Variants in SIL1 observed in about 807,000 individuals in gnomAD.
SIL1 encodes nucleotide exchange factor SIL1.
Under a neutral mutation model 49.1 loss-of-function variants are expected in SIL1, and 40 were observed. That is an observed-to-expected ratio of 0.81 (90% CI 0.63 to 1.06). The LOEUF (loss-of-function observed/expected upper bound fraction) is 1.06. Among genes scored for constraint, SIL1 ranks in the 50% least tolerant of loss-of-function variants. SIL1 has a pLI of 0.00. For missense variants in SIL1, 500 were observed against 572.6 expected, an observed-to-expected ratio of 0.87 and a Z score of 1.29; for synonymous variants, 253 against 250.8, an observed-to-expected ratio of 1.01 and a Z score of -0.08.
chr5:139,143,516 A>T (rs1172858260), intron 1 of SIL1, among the ~76,000 whole-genome samples: 2 of 151,848 alleles, frequency 1.3e-5, no homozygotes, highest in African/African-American at 4.8e-5. Context: ...GATTACAGGC[A>T]TGTACCACCA....
At chr5:139,167,183 G>A (rs2151813232) in intron 1 of SIL1, among the ~76,000 whole-genome samples, 1 of 150,812 alleles carries the variant, frequency 6.6e-6, no homozygotes, top group Admixed American at 6.6e-5. Flanking sequence ...CTGAACTCCT[G>A]GGCTCAAGTA....
At chr5:139,157,934 TC>T (rs1751435626) in intron 1 of SIL1, among the ~76,000 whole-genome samples, 1 of 152,242 alleles carries the variant, frequency 6.6e-6, no homozygotes, top group Non-Finnish European at 1.5e-5. Context: ...CCCCATGTCT[TC>T]CTTCAATCCT....
chr5:139,168,332 A>G (rs1355982991), intron 1 of SIL1, among the ~76,000 whole-genome samples: 5 of 152,240 alleles, frequency 3.3e-5, no homozygotes, highest in Non-Finnish European at 1.5e-5. Context: ...CTTGATGGCA[A>G]ATTGCAGTTA....
At chr5:138,960,891 T>C (rs1033708771) in intron 7 of SIL1, among the ~76,000 whole-genome samples, 8 of 152,336 alleles carry the variant, frequency 5.3e-5, no homozygotes, top group African/African-American at 1.9e-4. Context: ...GCAAATCTTA[T>C]GAAAAAGAAA....
chr5:139,017,451 AACTGTGG>A (rs1264144626), intron 7 of SIL1, among the ~76,000 whole-genome samples: 3 of 152,088 alleles, frequency 2.0e-5, no homozygotes, highest in Non-Finnish European at 4.4e-5. Context: ...ACATCCTGCA[AACTGTGG>A]AAAGTTCAAA....
chr5:139,023,501 T>A (rs1768575474), intron 6 of SIL1, among the ~76,000 whole-genome samples: 1 of 152,250 alleles, frequency 6.6e-6, no homozygotes, highest in Non-Finnish European at 1.5e-5. Flanking sequence ...AAGGCAAATG[T>A]ACTGCCCGAG....
chr5:138,951,413 G>A, intron 8 of SIL1, 78 bp from the exon 9 acceptor site: 20 of 1,468,622 alleles, frequency 1.4e-5, no homozygotes, highest in Non-Finnish European at 1.9e-5. Context: ...GGCAGGCAGA[G>A]GTGCCCCAAA....
chr5:139,004,381 A>G (rs954180174), intron 7 of SIL1, among the ~76,000 whole-genome samples: 1 of 152,206 alleles, frequency 6.6e-6, no homozygotes, highest in East Asian at 1.9e-4. Context: ...CATGGGATTC[A>G]GTGGATTTCC....
intron 1 of SIL1, among the ~76,000 whole-genome samples, chr5:139,172,855 A>C (rs76872506): frequency 6.6e-6 from 1 of 151,940 alleles, no homozygotes; most frequent in African/African-American, 2.4e-5. Context: ...TGCTGAGGGG[A>C]GTTTTTCTCT....
chr5:139,056,427 C>T (rs1407761283), intron 3 of SIL1, among the ~76,000 whole-genome samples: 92 of 151,724 alleles, frequency 6.1e-4, no homozygotes, highest in African/African-American at 2.1e-3. Context: ...AGGAGCCCCT[C>T]CGCCCGGCAG....
At chr5:138,961,952 CTTTT>C (rs10593901) in intron 7 of SIL1, among the ~76,000 whole-genome samples, 524 of 119,732 alleles carry the variant, frequency 4.4e-3, no homozygotes, top group Middle Eastern at 0.01. Flanking sequence ...GTTCTCTAGA[CTTTT>C]TTTTTTTTTT....
intron 3 of SIL1, among the ~76,000 whole-genome samples, chr5:139,120,429 C>T (rs933840897): frequency 6.6e-6 from 1 of 152,114 alleles, no homozygotes; most frequent in Non-Finnish European, 1.5e-5. Context: ...TGTGAAAATT[C>T]AACAAGATTA....
chr5:139,050,034 G>T (rs1008722178), intron 4 of SIL1, among the ~76,000 whole-genome samples: 1 of 152,202 alleles, frequency 6.6e-6, no homozygotes, highest in East Asian at 1.9e-4. Context: ...AATGAGCATG[G>T]CTGTGTCCCA....
rs541701686 is a variant in SIL1 at position 139,188,336 on chromosome 5, G to A, written c.-11+9933C>T. Among the ~76,000 whole-genome samples the A allele has an allele frequency of 4.6e-5, 7 of 152,220 alleles. No individual in the cohort carries two copies. In the East Asian group the frequency reaches 5.8e-4, roughly 13 times the overall value. ...GGTAAAAAAGATACTGCAGAGGCTC[G>A]CTAAAAAGAAAAAGACAATGGCATT... On this transcript the variant is annotated intron_variant, in intron 1 of 9. Transcript: ENST00000394817.
At chr5:139,161,799 G>T (rs868837749) in intron 1 of SIL1, among the ~76,000 whole-genome samples, 14 of 152,014 alleles carry the variant, frequency 9.2e-5, no homozygotes, top group African/African-American at 1.7e-4. Flanking sequence ...GGCAGATTGA[G>T]TCCAGGAGTT....
chr5:139,050,661 G>A (rs1261760982), intron 4 of SIL1, among the ~76,000 whole-genome samples: 2 of 152,278 alleles, frequency 1.3e-5, no homozygotes, highest in East Asian at 1.9e-4. Flanking sequence ...ATTCAAATGG[G>A]TGCTCTTAAA....
At chr5:139,034,319 C>T (rs1325567398) in intron 5 of SIL1, 2 of 151,906 alleles carry the variant, frequency 1.3e-5, no homozygotes, top group Non-Finnish European at 2.9e-5. Context: ...AATTATTATA[C>T]ATTTATGTTT....
intron 7 of SIL1, among the ~76,000 whole-genome samples, chr5:138,995,636 G>A (rs6864118): frequency 3.2e-4 from 49 of 152,264 alleles, no homozygotes; most frequent in African/African-American, 1.2e-3. Flanking sequence ...TCACCCTACT[G>A]ATCTAGCAAA....
chr5:138,996,578 G>A (rs1261867204), intron 7 of SIL1, among the ~76,000 whole-genome samples: 3 of 142,990 alleles, frequency 2.1e-5, no homozygotes, highest in Admixed American at 1.4e-4. Context: ...GGAGTGCAGT[G>A]GTGCAATCTC....
Sources: allele counts gnomAD v4.1 joint callset (sites outside exome capture counted in the v4.1 genomes callset), GRCh38; gene constraint gnomAD v4.1.1; transcripts MANE v1.5; gene names NCBI Gene and HGNC (gene_info 2026-07-23, HGNC 2026-07-21).